Variants in CSMD2 observed in about 807,000 individuals in gnomAD.
The protein encoded by CSMD2 is CUB and Sushi multiple domains 2.
Under a neutral mutation model 398.5 loss-of-function variants are expected in CSMD2, and 130 were observed. The ratio of observed to expected loss-of-function variants is 0.33; its 90% CI spans 0.28 to 0.38. The LOEUF is 0.38. CSMD2 is among the 10% of genes least tolerant of loss of function. The pLI is 1.00. For missense variants in CSMD2, 3,829 were observed against 4,764.9 expected (o/e 0.80, Z 5.78); for synonymous variants, 1,828 against 1,908.5 (o/e 0.96, Z 1.10).
intron 1 of CSMD2, among the ~76,000 whole-genome samples, chr1:34,152,521 C>T (rs1289242037): frequency 6.6e-6 from 1 of 152,148 alleles, no homozygotes; most frequent in East Asian, 1.9e-4. Context: ...TTCTTCCAGA[C>T]CTGGAACAAC....
chr1:33,571,146 A>T (rs368059350), intron 51 of CSMD2, among the ~76,000 whole-genome samples: 29 of 152,258 alleles, frequency 1.9e-4, no homozygotes, highest in African/African-American at 6.3e-4. Context: ...ATCGCACCAC[A>T]TTATCATCAC....
intron 5 of CSMD2, among the ~76,000 whole-genome samples, chr1:33,912,948 G>A (rs1164578246): frequency 3.3e-5 from 5 of 152,138 alleles, no homozygotes; most frequent in Non-Finnish European, 7.3e-5. Flanking sequence ...GAGTAGCAGC[G>A]ACTACAGGTG....
intron 1 of CSMD2, among the ~76,000 whole-genome samples, chr1:34,147,334 A>G (rs1639869793): frequency 6.6e-6 from 1 of 152,188 alleles, no homozygotes; most frequent in Non-Finnish European, 1.5e-5. Flanking sequence ...AAGCTCCAAT[A>G]TTAAAGCAAA....
chr1:33,571,212 A>G (rs2148693519), intron 51 of CSMD2, among the ~76,000 whole-genome samples: 1 of 152,198 alleles, frequency 6.6e-6, no homozygotes, highest in East Asian at 1.9e-4. Context: ...GCAGGAACCA[A>G]AATCTTTTAT....
In CSMD2 at chr1:33,633,637, G is replaced by T. The variant is rs888713532; in HGVS notation, c.5087-102C>A. ...AAGCCAGGAGGAGGGCAGCCCTGGG[G>T]AAGTTGTTGGTTCCTGGGCTGTGGC... On this transcript the variant is annotated intron_variant, in intron 31 of 70. Coordinates refer to ENST00000373381, the MANE Select transcript of CSMD2 (RefSeq NM_001281956.2). This position sits in a 1 kb window ranked among gnomAD's most constrained non-coding sequence, Gnocchi z 5.0. 7.1e-5 allele frequency: 58 copies of T among 818,510 alleles called. 1 individual carries two copies. Among genetic ancestry groups the T allele is most frequent in the Non-Finnish European group, 9.9e-5 (49 of 493,356 alleles). The allele number at this position is 818,510 out of a possible 1,614,324, so 50.7% of individuals were successfully genotyped here.
chr1:33,897,443 A>T (rs971664960), intron 5 of CSMD2, among the ~76,000 whole-genome samples: 2 of 152,162 alleles, frequency 1.3e-5, no homozygotes, highest in African/African-American at 4.8e-5. Flanking sequence ...AACTTTCTGG[A>T]AGCCAGATTA....
intron 3 of CSMD2, among the ~76,000 whole-genome samples, chr1:33,960,657 G>A (rs964568205): frequency 2.6e-5 from 4 of 152,258 alleles, no homozygotes; most frequent in South Asian, 4.1e-4. Flanking sequence ...GGCACCGCAC[G>A]CATTTCCCAT....
chr1:33,788,765 G>A, intron 11 of CSMD2, 53 bp from the exon 12 acceptor site: 1 of 1,142,200 alleles, frequency 8.8e-7, no homozygotes, highest in Non-Finnish European at 1.3e-6. Flanking sequence ...CACCCGAATA[G>A]AATGATTGCC....
intron 40 of CSMD2, 113 bp from the exon 41 acceptor site, chr1:33,611,363 C>T (rs1045019474): frequency 3.3e-6 from 3 of 907,756 alleles, no homozygotes; most frequent in South Asian, 3.2e-5. Context: ...ACTGATTTCC[C>T]ACCCAGCCAA....
chr1:33,698,907 G>A lies in CSMD2; in HGVS notation c.3771C>T (p.Pro1257=). The change falls in exon 24 of 71, where the codon CCC becomes CCT. Residue 1257 remains proline (P), a synonymous_variant. Coordinates refer to ENST00000373381, the MANE Select transcript of CSMD2 (RefSeq NM_001281956.2). ...CATCATGAACCTTGTAGCCAAACTT[G>A]GGGGTTCCTGGGTCCTCACATTTGA... ...ELIKCEDPGT[P]KFGYKVHDEG... 1 of 1,614,050 alleles carries A rather than the reference G, an allele frequency of 6.2e-7. No homozygotes were observed. The highest frequency in any genetic ancestry group is 1.7e-5 in the Admixed American group (1 of 60,024).
At chr1:34,071,089 G>A (rs985561793) in intron 2 of CSMD2, among the ~76,000 whole-genome samples, 1 of 152,208 alleles carries the variant, frequency 6.6e-6, no homozygotes, top group Non-Finnish European at 1.5e-5. Flanking sequence ...TAATAAGGCA[G>A]CCATTGCTTA....
chr1:33,909,040 C>T (rs1036991832), intron 5 of CSMD2, among the ~76,000 whole-genome samples: 2 of 152,174 alleles, frequency 1.3e-5, no homozygotes, highest in East Asian at 3.9e-4. Context: ...AGGTCTGAGG[C>T]TCGGTTAGAA....
At chr1:33,945,805 A>G (rs1644821162) in intron 3 of CSMD2, among the ~76,000 whole-genome samples, 1 of 152,192 alleles carries the variant, frequency 6.6e-6, no homozygotes, top group Admixed American at 6.5e-5. Context: ...CCCCCTGCTC[A>G]GCCCGATCTG....
intron 1 of CSMD2, among the ~76,000 whole-genome samples, chr1:34,119,719 T>G (rs1056578888): frequency 6.6e-6 from 1 of 152,174 alleles, no homozygotes; most frequent in Non-Finnish European, 1.5e-5. Context: ...CACCATGAGA[T>G]ATCACCTCAC....
At position 33,709,189 on chromosome 1, in the gene CSMD2, T is replaced by C. The variant is rs147142769; in HGVS notation, c.3476A>G (p.Asn1159Ser). 1.9e-4 allele frequency: 299 copies of C among 1,614,092 alleles called. No homozygotes were observed. The African/African-American group carries it at 3.0e-3, about 16-fold the overall frequency. ...GGAGTAGATGCATTCATGATTGTTA[T>C]TGTAGTTCACAGGAAAGTTGGGGGA... is the stretch of plus-strand genomic sequence containing the variant. Reference protein sequence around the residue: ...LLSPNFPVNYNNNHECIYSIQ... With the variant: ...LLSPNFPVNYSNNHECIYSIQ... The change falls in exon 22 of 71, where the codon AAT becomes AGT. Residue 1159 changes from asparagine to serine, a missense_variant. Asn to Ser is a conservative substitution (Grantham distance 46). Coordinates refer to ENST00000373381, the MANE Select transcript of CSMD2 (RefSeq NM_001281956.2).
At chr1:33,568,418 C>T (rs945592770) in intron 52 of CSMD2, among the ~76,000 whole-genome samples, 1 of 152,094 alleles carries the variant, frequency 6.6e-6, no homozygotes. Flanking sequence ...AACTCCTGGC[C>T]TCAAATGATC....
At chr1:34,151,130 C>T in intron 1 of CSMD2, among the ~76,000 whole-genome samples, 1 of 152,198 alleles carries the variant, frequency 6.6e-6, no homozygotes, top group East Asian at 1.9e-4. Context: ...CTGCTGGCAC[C>T]TTCTGAATGA....
chr1:33,934,939 G>A (rs1644425290), intron 4 of CSMD2, among the ~76,000 whole-genome samples: 1 of 150,202 alleles, frequency 6.7e-6, no homozygotes, highest in Non-Finnish European at 1.5e-5. Flanking sequence ...AGGAGTTTGA[G>A]GCTGCAGTGA....
At chr1:33,708,591 C>CTTCTTATTATTATTATTATTATTA (rs1553180002) in intron 22 of CSMD2, among the ~76,000 whole-genome samples, 1 of 141,084 alleles carries the variant, frequency 7.1e-6, no homozygotes. Flanking sequence ...TCCAACCGAA[C>CTTCTTATTATTATTATTATTATTA]TTATTATTAT....
Sources: gnomAD v4.1 joint callset for allele counts (sites outside exome capture counted in the v4.1 genomes callset) on GRCh38, gnomAD v4.1.1 for gene constraint, Gnocchi (gnomAD v3.1) non-coding constraint, MANE v1.5 for transcripts, NCBI Gene and HGNC (gene_info 2026-07-23, HGNC 2026-07-21) for gene names.